NAGPA: variants seen among roughly 807,000 people sequenced by gnomAD.
The protein encoded by NAGPA is alpha-N-acetylglucosaminyl phosphodiesterase.
NAGPA carries 56 observed loss-of-function variants against 48.5 expected under a neutral mutation model. The ratio of observed to expected loss-of-function variants is 1.15; its 90% CI spans 0.93 to 1.44. NAGPA has a LOEUF of 1.44. Among genes scored for constraint, NAGPA ranks in the 40% most tolerant of loss-of-function variants. NAGPA has a pLI of 0.00. For missense variants in NAGPA, 888 were observed against 735.0 expected (o/e 1.21, Z -2.41); for synonymous variants, 399 against 315.5 (o/e 1.26, Z -2.81).
chr16:5,030,932 CT>C (rs111445375), intron 3 of NAGPA: 14,742 of 205,708 alleles, frequency 0.072, no homozygotes, highest in South Asian at 0.15. Context: ...ACCGCCCACT[CT>C]TTTTTTTTTT....
Position 5,028,810 on chromosome 16 carries a change from T to C in NAGPA, c.920+70A>G, listed in dbSNP as rs1596663003. 5.6e-6 allele frequency: 9 copies of C among 1,610,874 alleles called. No homozygotes were observed. In the East Asian group the frequency reaches 1.8e-4, roughly 32 times the overall value. ...CCTGGCACATAGCAGGCACTCAATATTGGCTGAATGAGACAGGCTGGGGCA... is the reference window on the plus strand; with the variant it reads ...CCTGGCACATAGCAGGCACTCAATACTGGCTGAATGAGACAGGCTGGGGCA... On this transcript the variant is annotated intron_variant, in intron 5 of 9. Transcript: ENST00000312251.
chr16:5,030,883 C>T, intron 3 of NAGPA: 7 of 313,422 alleles, frequency 2.2e-5, no homozygotes, highest in South Asian at 2.1e-4. Context: ...CTCTAGCTTG[C>T]TCCTTTGTCA....
chr16:5,028,779 C>A, intron 5 of NAGPA, 101 bp downstream of exon 5: 1 of 1,584,464 alleles, frequency 6.3e-7, no homozygotes. Flanking sequence ...TCTTGAACCC[C>A]CGGGGCCTGG....
chr16:5,028,051 C>T lies in NAGPA; in HGVS notation c.1055G>A (p.Trp352Ter), dbSNP rs762285740. Residue 352 changes from tryptophan (W) to a stop codon, truncating the protein, a stop_gained, in exon 6 of 10, where the codon TGG (tryptophan) becomes TAG (stop). Transcript: ENST00000312251. LOFTEE classifies it high-confidence loss of function. Reference sequence around the variant, plus strand: ...CAGCTCATCACAGCCGGGACCCCGCCAGAAGTGCCCGGTGCATTGGCAGTG... The same window carrying T: ...CAGCTCATCACAGCCGGGACCCCGCTAGAAGTGCCCGGTGCATTGGCAGTG... ...DGHCQCTGHF[W>*]RGPGCDELDC... The T allele has an allele frequency of 6.2e-7, 1 of 1,613,926 alleles. No homozygotes were observed. Among genetic ancestry groups the T allele is most frequent in the Non-Finnish European group, 8.5e-7 (1 of 1,179,934 alleles).
chr16:5,032,489 C>A (rs1956118162), intron 2 of NAGPA, among the ~76,000 whole-genome samples: 1 of 130,576 alleles, frequency 7.7e-6, no homozygotes. Flanking sequence ...ACCCACTCCC[C>A]CGTTCCCCAC....
chr16:5,031,228 C>G (rs1956091410), intron 3 of NAGPA: 1 of 193,102 alleles, frequency 5.2e-6, no homozygotes, highest in Non-Finnish European at 1.1e-5. Flanking sequence ...AGCCACCACA[C>G]CTAGCTTACT....
intron 2 of NAGPA, 23 bp from the exon 3 acceptor site, chr16:5,031,907 G>C: frequency 6.2e-7 from 1 of 1,614,042 alleles, no homozygotes; most frequent in Non-Finnish European, 8.5e-7. Flanking sequence ...AAGGTGGGAA[G>C]CTCACTCACC....
intron 7 of NAGPA, among the ~76,000 whole-genome samples, chr16:5,027,622 C>T (rs1467784176): frequency 1.3e-5 from 2 of 152,164 alleles, no homozygotes; most frequent in Non-Finnish European, 2.9e-5. Flanking sequence ...TTGAGGTGGG[C>T]CCTGGAGCCA....
Position 5,027,791 on chromosome 16 carries a change from G to C in NAGPA, c.1174+55C>G, listed in dbSNP as rs1596661208. On this transcript the variant is annotated intron_variant, in intron 7 of 9. Transcript: ENST00000312251. Reference sequence around the variant, plus strand: ...GAGACAGAAGCAGCAGAGGAGCAGTGGGGGCTGCCGGGGGCCACCGTCTCC... The same window carrying C: ...GAGACAGAAGCAGCAGAGGAGCAGTCGGGGCTGCCGGGGGCCACCGTCTCC... 4 of 1,547,862 alleles carry C rather than the reference G, an allele frequency of 2.6e-6. No individual in the cohort carries two copies. The South Asian group carries it at 4.8e-5, about 18-fold the overall frequency.
In NAGPA at chr16:5,030,196, GA is replaced by G. The variant is rs1219180154; in HGVS notation, c.791+188del. 3 of 631,310 alleles carry G rather than the reference GA, an allele frequency of 4.8e-6. No homozygotes were observed. The African/African-American group carries it at 5.5e-5, about 12-fold the overall frequency. 39.1% of individuals were successfully genotyped at this position (631,310 alleles called of 1,614,324 possible). ...GGTGAGGCCTAAAGCTGAAGATGAT[GA>G]GTTCTTGGAATCGGCAAAGATCTCA... On this transcript the variant is annotated intron_variant, in intron 4 of 9. Coordinates refer to ENST00000312251, the MANE Select transcript of NAGPA (RefSeq NM_016256.4).
At chr16:5,031,914 C>T in intron 2 of NAGPA, 30 bp from the exon 3 acceptor site, 1 of 1,613,990 alleles carries the variant, frequency 6.2e-7, no homozygotes, top group Non-Finnish European at 8.5e-7. Context: ...GAAGCTCACT[C>T]ACCAGCAGGG....
chr16:5,029,387 G>A, intron 4 of NAGPA: 1 of 338,274 alleles, frequency 3.0e-6, no homozygotes, highest in South Asian at 2.4e-5. Context: ...CACATGGGAA[G>A]GAACCTGGGC....
In NAGPA at chr16:5,033,717, T is replaced by A; in HGVS notation, c.98A>T (p.Asp33Val). The A allele has an allele frequency of 1.2e-6, 2 of 1,603,770 alleles. No individual in the cohort carries two copies. The highest frequency in any genetic ancestry group is 8.5e-7 in the Non-Finnish European group (1 of 1,177,582). The change falls in exon 2 of 10, where the codon GAC becomes GTC. Residue 33 changes from aspartate (D) to valine (V), a missense_variant. Physicochemically the swap from Asp to Val is radical, Grantham distance 152. Transcript: ENST00000312251. The surrounding 1 kb of genome is among the most constrained non-coding windows in gnomAD (Gnocchi z 4.2). ...TGGATAGGGCAGTAGCAAGTCGTCGTCGCGGGAGGCCCTGCGGGGACGGGC... is the reference window on the plus strand; with the variant it reads ...TGGATAGGGCAGTAGCAAGTCGTCGACGCGGGAGGCCCTGCGGGGACGGGC... ...SGGLDSGASR[D>V]DDLLLPYPRA...
rs1164376100 is a variant in NAGPA at position 5,025,689 on chromosome 16, C to G, written c.1341-4G>C. ...GGTGAGGGCTAGCCAGGCGGTCCTGCAGACAGGAGAGAAGCCCCAAGTGGG... is the reference window on the plus strand; with the variant it reads ...GGTGAGGGCTAGCCAGGCGGTCCTGGAGACAGGAGAGAAGCCCCAAGTGGG... On this transcript the variant is annotated splice_polypyrimidine_tract_variant and splice_region_variant and intron_variant, in intron 9 of 9. Coordinates refer to ENST00000312251, the MANE Select transcript of NAGPA (RefSeq NM_016256.4). 6.3e-7 allele frequency: 1 copy of G among 1,596,094 alleles called. No homozygotes were observed. The highest frequency in any genetic ancestry group is 2.3e-5 in the East Asian group (1 of 43,832).
intron 2 of NAGPA, 102 bp from the exon 3 acceptor site, chr16:5,031,986 C>G: frequency 2.0e-6 from 3 of 1,535,506 alleles, no homozygotes; most frequent in Non-Finnish European, 2.7e-6. Context: ...TAGATTCCCC[C>G]TCATGCCCCA....
In NAGPA at chr16:5,028,401, A is replaced by G. The variant is rs1179729765; in HGVS notation, c.921-216T>C. 7.4e-6 allele frequency: 7 copies of G among 946,390 alleles called. No individual in the cohort carries two copies. In the Admixed American group the frequency reaches 1.4e-4, roughly 19 times the overall value. 58.6% of individuals were successfully genotyped at this position (946,390 alleles called of 1,614,324 possible). A position where few individuals can be genotyped will look rare whatever the true frequency, so the allele number is the denominator to read the frequency against. ...AAGGTGTGCACCATCACGCCTGCCT[A>G]ATTTTTTTTTATTTTTTCATAAAGA... On this transcript the variant is annotated intron_variant, in intron 5 of 9. Transcript: ENST00000312251.
intron 2 of NAGPA, among the ~76,000 whole-genome samples, chr16:5,032,596 T>C (rs1956121944): frequency 6.6e-6 from 1 of 151,914 alleles, no homozygotes; most frequent in Admixed American, 6.6e-5. Context: ...GGAGAATCGC[T>C]TGAACCCGGG....
At chr16:5,028,233 C>A in intron 5 of NAGPA, 48 bp from the exon 6 acceptor site, 1 of 1,548,416 alleles carries the variant, frequency 6.5e-7, no homozygotes, top group South Asian at 1.2e-5. Flanking sequence ...CAGACGGCCC[C>A]TCAACTCCCT....
rs989538767 is a variant in NAGPA, at chr16:5,027,015, C to T, written c.1340+120G>A. On this transcript the variant is annotated intron_variant, in intron 9 of 9. Coordinates refer to ENST00000312251, the MANE Select transcript of NAGPA (RefSeq NM_016256.4). ...CAGACAGTGGGGAGAGCTGGTCCCG[C>T]TTCCTCTAAGGCAGGGAGCTGGCAG... 12 of 1,282,766 alleles carry T rather than the reference C, an allele frequency of 9.4e-6. No homozygotes were observed. The African/African-American group carries it at 1.8e-4, about 19-fold the overall frequency. The allele number at this position is 1,282,766 out of a possible 1,614,324, so 79.5% of individuals were successfully genotyped here. A position where few individuals can be genotyped will look rare whatever the true frequency, so the allele number is the denominator to read the frequency against.
Sources: allele counts gnomAD v4.1 joint callset (sites outside exome capture counted in the v4.1 genomes callset), GRCh38; gene constraint gnomAD v4.1.1; non-coding constraint Gnocchi (gnomAD v3.1); transcripts MANE v1.5; gene names NCBI Gene and HGNC (gene_info 2026-07-23, HGNC 2026-07-21).